Variants in NLGN1 observed in about 807,000 individuals in gnomAD.
NLGN1 encodes neuroligin 1.
Under a neutral mutation model 65.5 loss-of-function variants are expected in NLGN1, and 12 were observed. That is an observed-to-expected ratio of 0.18 (90% CI 0.12 to 0.30). The LOEUF (loss-of-function observed/expected upper bound fraction) is 0.30. Ranked by LOEUF, NLGN1 falls within the 10% of genes least tolerant of loss-of-function variation. NLGN1 has a pLI of 1.00. For synonymous variants in NLGN1, 350 were observed against 359.5 expected (o/e 0.97, Z 0.30); for missense variants, 750 against 1,007.1 (o/e 0.74, Z 3.46).
intron 4 of NLGN1, among the ~76,000 whole-genome samples, chr3:174,173,089 AT>A (rs199539220): frequency 0.014 from 2,092 of 151,674 alleles, 55 homozygotes; most frequent in African/African-American, 0.047. Context: ...TGTGTATGGT[AT>A]TTTTTTTATC....
At chr3:174,119,906 A>G (rs1717384544) in intron 4 of NLGN1, among the ~76,000 whole-genome samples, 1 of 152,300 alleles carries the variant, frequency 6.6e-6, no homozygotes, top group African/African-American at 2.4e-5. Flanking sequence ...TGTAGTAAAG[A>G]TATTTATTTA....
At chr3:174,069,212 TTATC>T (rs1228981437) in intron 4 of NLGN1, among the ~76,000 whole-genome samples, 3 of 152,170 alleles carry the variant, frequency 2.0e-5, no homozygotes, top group African/African-American at 7.2e-5. Flanking sequence ...AAGTAATACT[TTATC>T]TATAGTAGAA....
intron 4 of NLGN1, among the ~76,000 whole-genome samples, chr3:173,954,671 C>G (rs1711550706): frequency 6.6e-6 from 1 of 152,032 alleles, no homozygotes; most frequent in South Asian, 2.1e-4. Flanking sequence ...TTAGGTAGAA[C>G]TGACTATTGC....
At chr3:173,704,208 A>T (rs764386274) in intron 3 of NLGN1, among the ~76,000 whole-genome samples, 1 of 152,222 alleles carries the variant, frequency 6.6e-6, no homozygotes, top group African/African-American at 2.4e-5. Flanking sequence ...AGTGTGGCAC[A>T]TAGAAGTGTG....
At chr3:173,482,598 C>A (rs13319514) in intron 2 of NLGN1, among the ~76,000 whole-genome samples, 27,394 of 151,628 alleles carry the variant, frequency 0.18, 2,642 homozygotes, top group Middle Eastern at 0.26. Flanking sequence ...AACATGGTCT[C>A]TTAATTTTTT....
At chr3:173,537,664 C>T (rs1318338364) in intron 2 of NLGN1, among the ~76,000 whole-genome samples, 1 of 152,208 alleles carries the variant, frequency 6.6e-6, no homozygotes, top group African/African-American at 2.4e-5. Flanking sequence ...CAGCAAGCAC[C>T]TCAGCTAGCT....
chr3:173,879,598 G>A (rs1732830483), intron 4 of NLGN1, among the ~76,000 whole-genome samples: 1 of 150,788 alleles, frequency 6.6e-6, no homozygotes, highest in Non-Finnish European at 1.5e-5. Context: ...ATTTTCATTA[G>A]TTGCCTCTTC....
intron 1 of NLGN1, among the ~76,000 whole-genome samples, chr3:173,416,369 T>C (rs1036429288): frequency 3.3e-5 from 5 of 152,218 alleles, no homozygotes; most frequent in Admixed American, 3.3e-4. Flanking sequence ...CAGCACCTCA[T>C]TGGAATGATT....
chr3:173,834,157 T>G (rs1036179561), intron 4 of NLGN1, among the ~76,000 whole-genome samples: 1 of 152,214 alleles, frequency 6.6e-6, no homozygotes, highest in Admixed American at 6.5e-5. Context: ...TGTTAACTTT[T>G]CATATTACAC....
At chr3:173,606,244 A>G (rs753899769) in intron 3 of NLGN1, among the ~76,000 whole-genome samples, 12 of 152,122 alleles carry the variant, frequency 7.9e-5, no homozygotes, top group Non-Finnish European at 1.3e-4. Context: ...AATTTAAAAC[A>G]TAGAGAAGTG....
At chr3:173,763,375 C>T (rs1479011431) in intron 3 of NLGN1, among the ~76,000 whole-genome samples, 2 of 151,938 alleles carry the variant, frequency 1.3e-5, no homozygotes, top group South Asian at 2.1e-4. Context: ...CTACTCTGTG[C>T]TAGACAAAAT....
At chr3:173,913,329 A>G (rs887836587) in intron 4 of NLGN1, among the ~76,000 whole-genome samples, 1 of 152,152 alleles carries the variant, frequency 6.6e-6, no homozygotes, top group Admixed American at 6.6e-5. Context: ...TTCAAATTTG[A>G]GATTTAGATG....
At chr3:173,934,890 C>A (rs1057053604) in intron 4 of NLGN1, among the ~76,000 whole-genome samples, 9 of 151,860 alleles carry the variant, frequency 5.9e-5, no homozygotes, top group Non-Finnish European at 1.3e-4. Context: ...ATTATGTATG[C>A]CTGTGGCAAA....
At chr3:173,889,375 T>C (rs1307182597) in intron 4 of NLGN1, among the ~76,000 whole-genome samples, 3 of 152,098 alleles carry the variant, frequency 2.0e-5, no homozygotes, top group African/African-American at 7.2e-5. Context: ...CTGTAGCCTC[T>C]AGCCAGCTAC....
chr3:174,093,472 C>T (rs1744909999), intron 4 of NLGN1, among the ~76,000 whole-genome samples: 1 of 152,156 alleles, frequency 6.6e-6, no homozygotes, highest in Admixed American at 6.5e-5. Flanking sequence ...AGTAAAGGCT[C>T]ATCTCAGTAT....
At chr3:173,417,634 CA>C (rs5854509) in intron 1 of NLGN1, among the ~76,000 whole-genome samples, 45,760 of 151,604 alleles carry the variant, frequency 0.3, 7,432 homozygotes, top group African/African-American at 0.42. Context: ...TGCAATAATT[CA>C]ATAACATTGC....
At chr3:173,879,999 TTTTA>T (rs1193726226) in intron 4 of NLGN1, among the ~76,000 whole-genome samples, 2 of 152,206 alleles carry the variant, frequency 1.3e-5, no homozygotes, top group African/African-American at 4.8e-5. Flanking sequence ...TTTGTTTAAA[TTTTA>T]TTTCTTTGTA....
intron 1 of NLGN1, among the ~76,000 whole-genome samples, chr3:173,400,739 C>T (rs1268540778): frequency 6.6e-6 from 1 of 152,030 alleles, no homozygotes; most frequent in Non-Finnish European, 1.5e-5. Flanking sequence ...CAGTGAATTG[C>T]CAGAGATCAA....
chr3:173,758,991 A>G (rs207464081), intron 3 of NLGN1, among the ~76,000 whole-genome samples: 10 of 151,896 alleles, frequency 6.6e-5, no homozygotes, highest in Non-Finnish European at 1.3e-4. Context: ...TAAATTCTTA[A>G]TTTTGCACTT....
Sources: allele counts gnomAD v4.1 joint callset (sites outside exome capture counted in the v4.1 genomes callset), GRCh38; gene constraint gnomAD v4.1.1; transcripts MANE v1.5; gene names NCBI Gene and HGNC (gene_info 2026-07-23, HGNC 2026-07-21).